The following STOX2 variants were observed in gnomAD, a reference collection of about 807,000 sequenced individuals.
The protein encoded by STOX2 is storkhead box 2, also known as storkhead-box protein 2.
In STOX2, 28 loss-of-function variants were observed where a neutral mutation model predicts 60.9. That is an observed-to-expected ratio of 0.46 (90% CI 0.34 to 0.63). STOX2 has a LOEUF of 0.63. Among genes scored for constraint, STOX2 ranks in the 30% least tolerant of loss-of-function variants. The probability of loss-of-function intolerance (pLI) is 0.01; values close to 1 mark genes in which losing one functional copy is unlikely to be tolerated. For synonymous variants in STOX2, 472 were observed against 463.9 expected, an observed-to-expected ratio of 1.02 and a Z score of -0.22; for missense variants, 1,024 against 1,187.7, an observed-to-expected ratio of 0.86 and a Z score of 2.03.
intron 1 of STOX2, among the ~76,000 whole-genome samples, chr4:183,970,269 G>C (rs533342496): frequency 6.6e-6 from 1 of 151,916 alleles, no homozygotes. Context: ...CAGTCAAACA[G>C]TGGTGTCAAA....
At chr4:183,873,118 G>A (rs1740732525) in intron 1 of STOX2, among the ~76,000 whole-genome samples, 1 of 152,120 alleles carries the variant, frequency 6.6e-6, no homozygotes. Context: ...GTTCAGATCT[G>A]TCTATAAGCA....
At position 183,932,334 on chromosome 4, in the gene STOX2, ACAG is replaced by A. The variant is rs1560889726; in HGVS notation, c.166+25379_166+25381del. The stretch of plus-strand genomic sequence containing the variant: ...ACATACAGTATATGTATGTATACAT[ACAG>A]TATATGTATGTATACATACAGTATA... On this transcript the variant is annotated intron_variant, in intron 1 of 3. Coordinates refer to ENST00000308497, the MANE Select transcript of STOX2 (RefSeq NM_020225.3). 3.3e-4 allele frequency among the ~76,000 whole-genome samples: 10 copies of A among 30,704 alleles called. 1 individual carries two copies. Among genetic ancestry groups the A allele is most frequent in the East Asian group, 2.7e-3 (8 of 2,926 alleles). The allele number at this position is 30,704 out of a possible 152,430, so 20.1% of individuals were successfully genotyped here.
intron 1 of STOX2, among the ~76,000 whole-genome samples, chr4:183,822,962 C>G (rs979062038): frequency 4.6e-5 from 7 of 152,240 alleles, no homozygotes; most frequent in Non-Finnish European, 8.8e-5. Flanking sequence ...GCACATGGCT[C>G]TCCTAGCCTT....
At chr4:183,917,310 C>G (rs1175715393) in intron 1 of STOX2, among the ~76,000 whole-genome samples, 7 of 152,192 alleles carry the variant, frequency 4.6e-5, no homozygotes, top group African/African-American at 1.7e-4. Context: ...AAGGAGCAAA[C>G]TGAAGGAAAC....
chr4:183,972,735 C>T (rs1440245578), intron 1 of STOX2, among the ~76,000 whole-genome samples: 1 of 152,130 alleles, frequency 6.6e-6, no homozygotes, highest in African/African-American at 2.4e-5. Context: ...TAATAATCAA[C>T]ATTACTAAAA....
chr4:183,967,908 C>T (rs537437173), intron 1 of STOX2, among the ~76,000 whole-genome samples: 1 of 152,142 alleles, frequency 6.6e-6, no homozygotes, highest in East Asian at 1.9e-4. Context: ...ATGAGGAAGA[C>T]AAAACTTAAG....
chr4:183,963,916 C>A, intron 1 of STOX2, among the ~76,000 whole-genome samples: 1 of 151,234 alleles, frequency 6.6e-6, no homozygotes, highest in East Asian at 2.0e-4. Context: ...GCTGGGACTA[C>A]AGGCGCCCAC....
intron 1 of STOX2, among the ~76,000 whole-genome samples, chr4:183,885,600 G>A (rs2111176832): frequency 6.6e-6 from 1 of 152,310 alleles, no homozygotes; most frequent in East Asian, 1.9e-4. Context: ...AAATGCCTCA[G>A]CTTCTGGAAG....
At chr4:183,964,124 T>C (rs1261217157) in intron 1 of STOX2, among the ~76,000 whole-genome samples, 1 of 152,174 alleles carries the variant, frequency 6.6e-6, no homozygotes, top group African/African-American at 2.4e-5. Context: ...TAGTCTGAAA[T>C]GTACTTCTGT....
chr4:183,833,983 A>C (rs1436251735), intron 1 of STOX2, among the ~76,000 whole-genome samples: 1 of 134,824 alleles, frequency 7.4e-6, no homozygotes, highest in Non-Finnish European at 1.7e-5. Flanking sequence ...CTCCGTCTCA[A>C]AAAAAAAAAA....
intron 1 of STOX2, among the ~76,000 whole-genome samples, chr4:183,807,118 GA>G (rs1179263103): frequency 7.9e-5 from 12 of 151,974 alleles, no homozygotes; most frequent in African/African-American, 2.4e-4. Flanking sequence ...GACTGCAGGC[GA>G]CCACCACCAC....
chr4:184,023,156 A>C lies in STOX2; in HGVS notation c.*5872A>C, dbSNP rs1734655274. On this transcript the variant is annotated 3_prime_UTR_variant, in exon 4 of 4. Transcript: ENST00000308497. ...TTGAATAAAATGTGTTTGCACTGAA[A>C]AAAAATTTTAAATTACTTGGTCTCT... 6.6e-6 allele frequency: 1 copy of C among 152,200 alleles called. No individual in the cohort carries two copies. The highest frequency in any genetic ancestry group is 1.5e-5 in the Non-Finnish European group (1 of 68,040). 9.4% of individuals were successfully genotyped at this position (152,200 alleles called of 1,614,324 possible).
At chr4:183,974,112 A>G (rs1732349157) in intron 1 of STOX2, among the ~76,000 whole-genome samples, 2 of 152,202 alleles carry the variant, frequency 1.3e-5, no homozygotes, top group African/African-American at 4.8e-5. Context: ...AAAGGACTAA[A>G]ATGATGGTAA....
In STOX2 at chr4:183,806,267, T is replaced by C. The variant is rs1460896838; in HGVS notation, c.364+8212T>C. On this transcript the variant is annotated intron_variant, in intron 1 of 2. Transcript: ENST00000513034. The surrounding 1 kb of genome is among the most constrained non-coding windows in gnomAD (Gnocchi z 4.1). The stretch of plus-strand genomic sequence containing the variant: ...ATCTGTCAGTGTAAAATGACTTGCT[T>C]CTGTAAGCAGGATGTCACCTCCCCA... Among the ~76,000 whole-genome samples, 1 of 152,180 alleles carries C rather than the reference T, an allele frequency of 6.6e-6. No individual in the cohort carries two copies. The highest frequency in any genetic ancestry group is 6.5e-5 in the Admixed American group (1 of 15,280).
intron 1 of STOX2, among the ~76,000 whole-genome samples, chr4:183,833,839 G>A (rs989317733): frequency 2.6e-5 from 4 of 151,218 alleles, no homozygotes; most frequent in African/African-American, 4.8e-5. Context: ...AAAATTAGCC[G>A]GGCGTGGTGG....
At chr4:183,999,206 A>G (rs1413065071) in intron 1 of STOX2, among the ~76,000 whole-genome samples, 2 of 152,144 alleles carry the variant, frequency 1.3e-5, no homozygotes, top group African/African-American at 4.8e-5. Flanking sequence ...AGCCCACGTC[A>G]TTCTATCATT....
At chr4:183,951,444 CTTTTTT>C (rs1163579369) in intron 1 of STOX2, among the ~76,000 whole-genome samples, 1 of 66,464 alleles carries the variant, frequency 1.5e-5, no homozygotes, top group African/African-American at 5.8e-5. Flanking sequence ...CTCTCTCTCT[CTTTTTT>C]TTTTTTTTTT....
In STOX2 at chr4:184,018,230, C is replaced by G. The variant is rs1734456145; in HGVS notation, c.*946C>G. On this transcript the variant is annotated 3_prime_UTR_variant, in exon 4 of 4. Transcript: ENST00000308497. ...TTAGTTTGTTTAAAAGCAAAATGTTCTTTGTGATACAAATGAAGAGTAGGG... is the reference window on the plus strand; with the variant it reads ...TTAGTTTGTTTAAAAGCAAAATGTTGTTTGTGATACAAATGAAGAGTAGGG... 1.3e-5 allele frequency: 2 copies of G among 152,248 alleles called. No homozygotes were observed. The highest frequency in any genetic ancestry group is 4.2e-4 in the South Asian group (2 of 4,816). The allele number at this position is 152,248 out of a possible 1,614,324, so 9.4% of individuals were successfully genotyped here.
chr4:183,963,624 C>T lies in STOX2; in HGVS notation c.167-37701C>T, dbSNP rs569388597. 1.3e-5 allele frequency among the ~76,000 whole-genome samples: 2 copies of T among 151,626 alleles called. 1 individual carries two copies. Among genetic ancestry groups the T allele is most frequent in the South Asian group, 4.2e-4 (2 of 4,794 alleles). On this transcript the variant is annotated intron_variant, in intron 1 of 3. Coordinates refer to ENST00000308497, the MANE Select transcript of STOX2 (RefSeq NM_020225.3). The stretch of plus-strand genomic sequence containing the variant: ...GTATTTTAGTAGAGACGGGGTTTCA[C>T]CATGTTGGCCAGGCTGGTTTCGAAC...
Sources: allele counts gnomAD v4.1 joint callset (sites outside exome capture counted in the v4.1 genomes callset), GRCh38; gene constraint gnomAD v4.1.1; non-coding constraint Gnocchi (gnomAD v3.1); transcripts MANE v1.5; gene names NCBI Gene and HGNC (gene_info 2026-07-23, HGNC 2026-07-21).